Variants in HTT-AS observed in about 807,000 individuals in gnomAD.
The protein encoded by HTT-AS is HTT antisense RNA.
chr4:3,068,815 TG>T (rs963850517), intron 1 of HTT-AS, among the ~76,000 whole-genome samples: 1 of 152,174 alleles, frequency 6.6e-6, no homozygotes, highest in Non-Finnish European at 1.5e-5. Context: ...GCACAATGCC[TG>T]GCTAATTTTT....
chr4:3,062,012 A>ATG, intron 2 of HTT-AS, among the ~76,000 whole-genome samples: 1 of 132,070 alleles, frequency 7.6e-6, no homozygotes. Flanking sequence ...AAAAAAAAAA[A>ATG]AGAGAGAGAG....
exon 2 of HTT-AS, among the ~76,000 whole-genome samples, chr4:3,063,280 C>T (rs1286348496): frequency 6.6e-6 from 1 of 152,204 alleles, no homozygotes; most frequent in Admixed American, 6.5e-5. Flanking sequence ...AGCAGCAAGA[C>T]AGTGGCTCAA....
chr4:3,062,543 A>G (rs1214207570), exon 2 of HTT-AS, among the ~76,000 whole-genome samples: 1 of 152,014 alleles, frequency 6.6e-6, no homozygotes, highest in Non-Finnish European at 1.5e-5. Flanking sequence ...CACCGCCTTG[A>G]CAGTGAGAAA....
intron 1 of HTT-AS, among the ~76,000 whole-genome samples, chr4:3,068,016 G>A (rs942645534): frequency 2.6e-5 from 4 of 152,136 alleles, no homozygotes; most frequent in Admixed American, 6.6e-5. Flanking sequence ...AATGAAAAGT[G>A]GAAGACAGGC....
intron 2 of HTT-AS, among the ~76,000 whole-genome samples, chr4:3,062,202 T>A (rs1578467914): frequency 2.0e-5 from 3 of 152,122 alleles, no homozygotes; most frequent in East Asian, 1.9e-4. Flanking sequence ...GCTAATGTTT[T>A]ATTTTTTTTG....
intron 1 of HTT-AS, among the ~76,000 whole-genome samples, chr4:3,069,001 C>T (rs1256381358): frequency 6.6e-6 from 1 of 152,128 alleles, no homozygotes; most frequent in Non-Finnish European, 1.5e-5. Context: ...ATAATACCCT[C>T]CAAATTGGGA....
chr4:3,054,318 G>A (rs1003760001), intron 2 of HTT-AS, among the ~76,000 whole-genome samples: 6 of 151,958 alleles, frequency 3.9e-5, no homozygotes, highest in Admixed American at 3.9e-4. Context: ...AAGTGAGAAA[G>A]TCCAACCATG....
At chr4:3,065,006 T>C (rs572784606) in intron 1 of HTT-AS, among the ~76,000 whole-genome samples, 1 of 152,288 alleles carries the variant, frequency 6.6e-6, no homozygotes, top group South Asian at 2.1e-4. Flanking sequence ...TAACACAATA[T>C]AATAGATCAT....
downstream of HTT-AS, among the ~76,000 whole-genome samples, chr4:3,046,322 G>A (rs185268257): frequency 4.6e-5 from 7 of 152,308 alleles, no homozygotes; most frequent in East Asian, 3.9e-4. Flanking sequence ...GTTGCAGCTC[G>A]GCATTTGCCT....
chr4:3,063,213 T>A (rs557100556), exon 2 of HTT-AS, among the ~76,000 whole-genome samples: 38 of 152,314 alleles, frequency 2.5e-4, no homozygotes, highest in African/African-American at 8.7e-4. Flanking sequence ...GGATCAGGGA[T>A]CAGCAGAGGT....
downstream of HTT-AS, among the ~76,000 whole-genome samples, chr4:3,046,392 G>A (rs1438329289): frequency 6.6e-6 from 1 of 152,202 alleles, no homozygotes. Context: ...GCTGGGATTG[G>A]CCAAGACTCA....
At chr4:3,074,556 C>T (rs964918964), upstream of HTT-AS, 61 of 345,214 alleles carry the variant, frequency 1.8e-4, no homozygotes, top group Admixed American at 3.0e-4. Context: ...GGCTGGTTCC[C>T]TGGCCAGCCA....
At chr4:3,065,518 A>G (rs1712031419) in intron 1 of HTT-AS, among the ~76,000 whole-genome samples, 1 of 152,144 alleles carries the variant, frequency 6.6e-6, no homozygotes, top group Non-Finnish European at 1.5e-5. Flanking sequence ...CGCCAGCCCA[A>G]CTACTTTCAA....
intron 2 of HTT-AS, among the ~76,000 whole-genome samples, chr4:3,062,223 G>T (rs1711940833): frequency 6.6e-6 from 1 of 151,982 alleles, no homozygotes; most frequent in African/African-American, 2.4e-5. Flanking sequence ...TAGGAATAGG[G>T]TCTCACTATG....
At position 3,055,001 on chromosome 4, in the gene HTT-AS, C is replaced by T. The variant is rs187205072; in HGVS notation, n.1381-5303G>A. ...GTGCTAGGATTACAGGCATGAGTCA[C>T]CACGCCTGGCCAACAGGGTTTTCTT... On this transcript the variant is annotated intron_variant and non_coding_transcript_variant, in intron 2 of 2. Transcript: ENST00000664062. Among the ~76,000 whole-genome samples the T allele has an allele frequency of 1.4e-3, 217 of 152,102 alleles. 1 individual carries two copies. Among genetic ancestry groups the T allele is most frequent in the Admixed American group, 4.9e-3 (75 of 15,296 alleles).
intron 2 of HTT-AS, among the ~76,000 whole-genome samples, chr4:3,055,469 T>A (rs1285610045): frequency 6.6e-6 from 1 of 152,174 alleles, no homozygotes; most frequent in Non-Finnish European, 1.5e-5. Context: ...CTGCAGCCTA[T>A]CTCCTTTGGA....
chr4:3,057,666 C>T (rs960585745), intron 2 of HTT-AS, among the ~76,000 whole-genome samples: 3 of 152,050 alleles, frequency 2.0e-5, no homozygotes, highest in African/African-American at 7.2e-5. Flanking sequence ...GACAGAGTCT[C>T]CCTTTGTTGC....
At chr4:3,073,848 C>T (rs1001227628) in intron 1 of HTT-AS, among the ~76,000 whole-genome samples, 2 of 152,246 alleles carry the variant, frequency 1.3e-5, no homozygotes, top group East Asian at 3.9e-4. Flanking sequence ...CCCCGCAGGG[C>T]TGTCCGGGTG....
At chr4:3,062,978 T>C (rs1711971513) in exon 2 of HTT-AS, among the ~76,000 whole-genome samples, 1 of 152,148 alleles carries the variant, frequency 6.6e-6, no homozygotes, top group South Asian at 2.1e-4. Flanking sequence ...GACCTTTTAC[T>C]AAAGAGATCT....
Sources: allele counts gnomAD v4.1 joint callset (sites outside exome capture counted in the v4.1 genomes callset), GRCh38; gene constraint gnomAD v4.1.1; transcripts MANE v1.5; gene names NCBI Gene and HGNC (gene_info 2026-07-23, HGNC 2026-07-21).